NBAS: variants seen among roughly 807,000 people sequenced by gnomAD.
The protein encoded by NBAS is NAG/BC035112 fusion.
A neutral mutation model predicts 302.5 loss-of-function variants in NBAS; 219 were observed. That is an observed-to-expected ratio of 0.72 (90% CI 0.65 to 0.81). NBAS has a LOEUF of 0.81. NBAS is among the 30% of genes least tolerant of loss of function. The probability of loss-of-function intolerance (pLI) is 0.00; values close to 1 mark genes in which losing one functional copy is unlikely to be tolerated. For missense variants in NBAS, 2,932 were observed against 2,841.6 expected (o/e 1.03, Z -0.72); for synonymous variants, 1,118 against 1,021.6 (o/e 1.09, Z -1.80).
At chr2:15,070,196 G>T in the NBAS span, among the ~76,000 whole-genome samples, 1 of 152,210 alleles carries the variant, frequency 6.6e-6, no homozygotes, top group Non-Finnish European at 1.5e-5. Context: ...TGGCTCTACA[G>T]TAAGGCTCTC....
intron 50 of NBAS, among the ~76,000 whole-genome samples, chr2:15,185,236 C>G (rs1287069827): frequency 6.6e-6 from 1 of 152,150 alleles, no homozygotes; most frequent in South Asian, 2.1e-4. Flanking sequence ...AATCTCCTTA[C>G]AGAAGGTGGT....
the NBAS span, among the ~76,000 whole-genome samples, chr2:15,016,395 C>T: frequency 2.0e-5 from 3 of 152,026 alleles, no homozygotes; most frequent in Non-Finnish European, 1.5e-5. Flanking sequence ...CAAACTATAT[C>T]ATCTTGTAAT....
the NBAS span, among the ~76,000 whole-genome samples, chr2:14,807,490 C>T: frequency 1.7e-4 from 26 of 149,062 alleles, no homozygotes; most frequent in African/African-American, 5.5e-4. Context: ...TGTGTGTAAC[C>T]GGGTGAATAT....
chr2:14,922,774 T>A, the NBAS span, among the ~76,000 whole-genome samples: 54,476 of 152,064 alleles, frequency 0.36, 9,973 homozygotes, highest in African/African-American at 0.44. Context: ...TTCGCAAAAA[T>A]AGCTAGTAAC....
At chr2:15,074,699 G>A in the NBAS span, among the ~76,000 whole-genome samples, 3 of 152,064 alleles carry the variant, frequency 2.0e-5, no homozygotes, top group Non-Finnish European at 4.4e-5. Flanking sequence ...ATAAAGATCT[G>A]TGTGGGAAAA....
At chr2:15,291,647 A>AG (rs1170595993) in intron 41 of NBAS, among the ~76,000 whole-genome samples, 3 of 152,172 alleles carry the variant, frequency 2.0e-5, no homozygotes, top group East Asian at 1.9e-4. Flanking sequence ...TTCCCTTGAC[A>AG]GGGGGAAGGG....
chr2:15,144,069 C>CTTATATATATATATATATATA, the NBAS span, among the ~76,000 whole-genome samples: 1 of 89,378 alleles, frequency 1.1e-5, no homozygotes, highest in African/African-American at 4.6e-5. Context: ...ATATATATAT[C>CTTATATATATATATATATATA]TCCCATTAGT....
At chr2:14,930,325 G>C in the NBAS span, among the ~76,000 whole-genome samples, 1 of 152,218 alleles carries the variant, frequency 6.6e-6, no homozygotes, top group Admixed American at 6.5e-5. Context: ...CAGCCGCACT[G>C]TGTTGTGGCA....
chr2:14,961,987 TGGTCTC>T, the NBAS span, among the ~76,000 whole-genome samples: 3 of 152,276 alleles, frequency 2.0e-5, no homozygotes, highest in Non-Finnish European at 4.4e-5. Context: ...TCAGCCAGGC[TGGTCTC>T]GAACTCCTGA....
intron 26 of NBAS, among the ~76,000 whole-genome samples, chr2:15,401,777 CAAG>C (rs144806023): frequency 0.013 from 1,901 of 151,960 alleles, 35 homozygotes; most frequent in African/African-American, 0.043. Context: ...AGGCAAAGGC[CAAG>C]AAGAAATAAT....
chr2:14,785,963 A>G, the NBAS span, among the ~76,000 whole-genome samples: 11 of 152,048 alleles, frequency 7.2e-5, no homozygotes, highest in Admixed American at 2.0e-4. Context: ...GACTCTATTT[A>G]GTTGGTAAGC....
intron 21 of NBAS, among the ~76,000 whole-genome samples, chr2:15,454,516 G>T (rs1679161313): frequency 2.6e-5 from 4 of 152,136 alleles, no homozygotes; most frequent in Admixed American, 2.0e-4. Context: ...GGATGTATTA[G>T]GAAACAACTT....
chr2:15,167,499 G>A lies in NBAS; in HGVS notation c.6841-176C>T, dbSNP rs537896130. Among the ~76,000 whole-genome samples, 6 of 152,238 alleles carry A rather than the reference G, an allele frequency of 3.9e-5. No homozygotes were observed. In the South Asian group the frequency reaches 8.3e-4, roughly 21 times the overall value. On this transcript the variant is annotated intron_variant, in intron 51 of 51. Transcript: ENST00000281513. ...TAGGTCACAGATTGGGATGACAGACGGGGCTCCTCTTAACATAAGAAGACA... is the reference window on the plus strand; with the variant it reads ...TAGGTCACAGATTGGGATGACAGACAGGGCTCCTCTTAACATAAGAAGACA...
chr2:15,050,261 C>A, the NBAS span, among the ~76,000 whole-genome samples: 1 of 152,060 alleles, frequency 6.6e-6, no homozygotes, highest in Non-Finnish European at 1.5e-5. Flanking sequence ...TTTTTTCTTT[C>A]TTTTATTTTT....
At chr2:15,056,989 C>G in the NBAS span, among the ~76,000 whole-genome samples, 1 of 151,950 alleles carries the variant, frequency 6.6e-6, no homozygotes, top group East Asian at 1.9e-4. Flanking sequence ...CCACCACGCC[C>G]GGCTAATTTT....
At chr2:15,426,012 G>C (rs1408763718) in intron 22 of NBAS, among the ~76,000 whole-genome samples, 5 of 152,048 alleles carry the variant, frequency 3.3e-5, no homozygotes, top group African/African-American at 7.2e-5. Context: ...TGTTAGCCCA[G>C]CTCTCTTCTT....
intron 12 of NBAS, among the ~76,000 whole-genome samples, chr2:15,482,219 C>A (rs531895934): frequency 6.6e-5 from 10 of 152,176 alleles, no homozygotes; most frequent in African/African-American, 2.4e-4. Context: ...CAACCTCGAC[C>A]TCCTGGGCTC....
chr2:15,367,985 C>T (rs1487090975), intron 31 of NBAS, among the ~76,000 whole-genome samples: 3 of 152,118 alleles, frequency 2.0e-5, no homozygotes, highest in African/African-American at 7.2e-5. Flanking sequence ...TATGTATATA[C>T]ACACACAAAT....
intron 33 of NBAS, 24 bp from the exon 34 acceptor site, chr2:15,353,734 A>C (rs924057938): frequency 1.2e-6 from 2 of 1,613,822 alleles, no homozygotes; most frequent in Non-Finnish European, 1.7e-6. Flanking sequence ...AAGGAAAAAA[A>C]TGATTCCCAA....
Sources: allele counts gnomAD v4.1 joint callset (sites outside exome capture counted in the v4.1 genomes callset), GRCh38; gene constraint gnomAD v4.1.1; transcripts MANE v1.5; gene names NCBI Gene and HGNC (gene_info 2026-07-23, HGNC 2026-07-21).